The following PTPRD variants were observed in gnomAD, a reference collection of about 807,000 sequenced individuals.
PTPRD encodes protein tyrosine phosphatase receptor type D.
A neutral mutation model predicts 214.5 loss-of-function variants in PTPRD; 34 were observed. The ratio of observed to expected loss-of-function variants is 0.16; its 90% confidence interval spans 0.12 to 0.21. The LOEUF is 0.21. Ranked by LOEUF, PTPRD falls within the 10% of genes least tolerant of loss-of-function variation. The pLI is 1.00. For missense variants in PTPRD, 2,545 were observed against 2,398.7 expected (o/e 1.06, Z -1.27); for synonymous variants, 1,128 against 845.7 (o/e 1.33, Z -5.79).
chr9:10,258,541 T>C (rs1292835690), intron 3 of PTPRD, among the ~76,000 whole-genome samples: 1 of 152,248 alleles, frequency 6.6e-6, no homozygotes, highest in East Asian at 1.9e-4. Context: ...CACTTTCATT[T>C]AGCAATTCTT....
At chr9:9,748,122 G>A (rs2098476680) in intron 6 of PTPRD, among the ~76,000 whole-genome samples, 2 of 152,162 alleles carry the variant, frequency 1.3e-5, no homozygotes, top group African/African-American at 2.4e-5. Flanking sequence ...ATTCATCAGT[G>A]AATCACTGGT....
At chr9:10,227,480 A>T (rs1481673137) in intron 3 of PTPRD, among the ~76,000 whole-genome samples, 1 of 151,816 alleles carries the variant, frequency 6.6e-6, no homozygotes, top group Non-Finnish European at 1.5e-5. Flanking sequence ...AAAACTTTAC[A>T]GTCTCTCTGT....
Position 9,098,392 on chromosome 9 carries a change from G to C in PTPRD, c.-142-79657C>G, listed in dbSNP as rs137992764. ...CTGCCTCAGCCTTCCAAGTAGCTGG[G>C]ACTACAGGCATGCACCACCACACCT... On this transcript the variant is annotated intron_variant, in intron 10 of 45. Transcript: ENST00000381196. 8.1e-3 allele frequency among the ~76,000 whole-genome samples: 1,230 copies of C among 152,120 alleles called. 7 individuals are homozygous for C. Among genetic ancestry groups the C allele is most frequent in the Non-Finnish European group, 0.015 (1,001 of 67,996 alleles).
At chr9:9,536,844 ATTAAAACTTTC>A (rs2076613796) in intron 8 of PTPRD, among the ~76,000 whole-genome samples, 1 of 152,076 alleles carries the variant, frequency 6.6e-6, no homozygotes, top group Non-Finnish European at 1.5e-5. Flanking sequence ...CTCGTTTTCA[ATTAAAACTTTC>A]TTGTCGCAAG....
At chr9:9,515,810 T>C (rs1590386218) in intron 8 of PTPRD, among the ~76,000 whole-genome samples, 1 of 152,198 alleles carries the variant, frequency 6.6e-6, no homozygotes, top group African/African-American at 2.4e-5. Flanking sequence ...TTCCTTTCTG[T>C]AGATTCTTTA....
chr9:8,350,799 A>C (rs1479395761), intron 39 of PTPRD, among the ~76,000 whole-genome samples: 1 of 152,134 alleles, frequency 6.6e-6, no homozygotes, highest in Non-Finnish European at 1.5e-5. Context: ...AAAAAAATTG[A>C]ACAAATTGTC....
rs1439440841 is a variant in PTPRD at position 8,376,664 on chromosome 9, C to T, written c.4449G>A (p.Thr1483=). 12 of 1,612,956 alleles carry T rather than the reference C, an allele frequency of 7.4e-6. No individual in the cohort carries two copies. Among genetic ancestry groups the T allele is most frequent in the South Asian group, 1.1e-5 (1 of 91,076 alleles). The change falls in exon 38 of 46, where the codon ACG becomes ACA. Residue 1483 remains threonine, a synonymous_variant. Coordinates refer to ENST00000381196, the MANE Select transcript of PTPRD (RefSeq NM_002839.4). ...GTETHGLVQV[T]LLDTVELATY... ...TGGCCAGCTCCACAGTATCAAGCAG[C>T]GTTACTTGAACGAGTCCGTGGGTTT...
intron 4 of PTPRD, among the ~76,000 whole-genome samples, chr9:9,941,803 C>T (rs986578854): frequency 9.9e-5 from 15 of 152,202 alleles, no homozygotes; most frequent in African/African-American, 3.6e-4. Flanking sequence ...CTCTGGGAAG[C>T]CTTGCTGGAA....
intron 4 of PTPRD, among the ~76,000 whole-genome samples, chr9:9,995,666 T>C (rs1398955035): frequency 6.6e-6 from 1 of 152,170 alleles, no homozygotes; most frequent in East Asian, 1.9e-4. Flanking sequence ...AACTCCCTGC[T>C]GTTTCCACGT....
chr9:8,680,283 T>C (rs1041101130), intron 12 of PTPRD, among the ~76,000 whole-genome samples: 2 of 152,214 alleles, frequency 1.3e-5, no homozygotes, highest in Non-Finnish European at 1.5e-5. Context: ...TTTTCAATGA[T>C]ACCACCTGTT....
chr9:8,592,144 C>G (rs372050026), intron 14 of PTPRD, among the ~76,000 whole-genome samples: 1 of 152,048 alleles, frequency 6.6e-6, no homozygotes, highest in African/African-American at 2.4e-5. Context: ...GACATATTGA[C>G]AATACACTTA....
intron 5 of PTPRD, among the ~76,000 whole-genome samples, chr9:9,858,477 A>G (rs556940257): frequency 6.6e-6 from 1 of 152,344 alleles, no homozygotes; most frequent in South Asian, 2.1e-4. Flanking sequence ...AAGAATGACA[A>G]ACACCTGGCA....
intron 7 of PTPRD, among the ~76,000 whole-genome samples, chr9:9,657,910 G>A (rs983274017): frequency 6.6e-6 from 1 of 152,170 alleles, no homozygotes; most frequent in Non-Finnish European, 1.5e-5. Flanking sequence ...CCGACCTAAA[G>A]AGAGGATGGG....
chr9:10,436,623 A>T (rs1462357306), intron 2 of PTPRD, among the ~76,000 whole-genome samples: 1 of 151,936 alleles, frequency 6.6e-6, no homozygotes, highest in East Asian at 1.9e-4. Context: ...ACCCCTACAC[A>T]TATGTATATA....
chr9:8,450,170 A>G (rs1401516340), intron 33 of PTPRD, among the ~76,000 whole-genome samples: 1 of 152,098 alleles, frequency 6.6e-6, no homozygotes, highest in Non-Finnish European at 1.5e-5. Context: ...TACTAGTTCT[A>G]TTTGTGAGGA....
chr9:10,385,496 T>G (rs1419543639), intron 2 of PTPRD, among the ~76,000 whole-genome samples: 1 of 151,818 alleles, frequency 6.6e-6, no homozygotes, highest in African/African-American at 2.4e-5. Flanking sequence ...ATTTCAGTGA[T>G]TCTTAATGTA....
intron 3 of PTPRD, among the ~76,000 whole-genome samples, chr9:10,130,382 T>C (rs966850031): frequency 1.3e-5 from 2 of 152,164 alleles, no homozygotes; most frequent in Non-Finnish European, 2.9e-5. Context: ...AAGCCCACTT[T>C]GTCATTGATC....
At chr9:9,580,520 A>G (rs2090419667) in intron 7 of PTPRD, among the ~76,000 whole-genome samples, 1 of 142,212 alleles carries the variant, frequency 7.0e-6, no homozygotes, top group Non-Finnish European at 1.5e-5. Flanking sequence ...AATGGTGTCT[A>G]TTCATGTCCT....
At chr9:8,558,797 T>TC (rs2084994143) in intron 14 of PTPRD, among the ~76,000 whole-genome samples, 1 of 152,188 alleles carries the variant, frequency 6.6e-6, no homozygotes, top group African/African-American at 2.4e-5. Context: ...TTACGTGTAA[T>TC]CATGACTTGA....
Sources: allele counts gnomAD v4.1 joint callset (sites outside exome capture counted in the v4.1 genomes callset), GRCh38; gene constraint gnomAD v4.1.1; transcripts MANE v1.5; gene names NCBI Gene and HGNC (gene_info 2026-07-23, HGNC 2026-07-21).